The following KCNMB2 variants were observed in gnomAD, a reference collection of about 807,000 sequenced individuals.
KCNMB2 encodes the protein calcium-activated potassium channel subunit beta-2.
In KCNMB2, 9 loss-of-function variants were observed where a neutral mutation model predicts 24.5. The ratio of observed to expected loss-of-function variants is 0.37; its 90% CI spans 0.22 to 0.64. The LOEUF (loss-of-function observed/expected upper bound fraction) is 0.64. Ranked by LOEUF, KCNMB2 falls within the 30% of genes least tolerant of loss-of-function variation. The probability of loss-of-function intolerance (pLI) is 0.63; values close to 1 mark genes in which losing one functional copy is unlikely to be tolerated. For missense variants in KCNMB2, 226 were observed against 284.3 expected (o/e 0.79, Z 1.47); for synonymous variants, 109 against 104.4 (o/e 1.04, Z -0.27).
intron 4 of KCNMB2, among the ~76,000 whole-genome samples, chr3:178,836,138 C>T (rs979390330): frequency 6.6e-6 from 1 of 152,120 alleles, no homozygotes; most frequent in African/African-American, 2.4e-5. Context: ...GCCAAAAACA[C>T]TTTCTTACTG....
intron 4 of KCNMB2, among the ~76,000 whole-genome samples, chr3:178,832,119 C>A (rs1392642242): frequency 2.0e-5 from 3 of 152,026 alleles, no homozygotes; most frequent in Non-Finnish European, 4.4e-5. Context: ...TATCTAGGAT[C>A]ATCTTTACTA....
At chr3:178,551,659 A>C (rs1024407772) in intron 1 of KCNMB2, among the ~76,000 whole-genome samples, 1 of 152,232 alleles carries the variant, frequency 6.6e-6, no homozygotes, top group Non-Finnish European at 1.5e-5. Flanking sequence ...CAGTTTACAC[A>C]ATAATATCAG....
intron 1 of KCNMB2, among the ~76,000 whole-genome samples, chr3:178,714,774 C>T (rs950433261): frequency 3.3e-5 from 5 of 152,048 alleles, no homozygotes; most frequent in Non-Finnish European, 7.3e-5. Flanking sequence ...ATCTAATGTT[C>T]GTCAGCCGTT....
intron 1 of KCNMB2, among the ~76,000 whole-genome samples, chr3:178,769,901 T>G (rs1712275182): frequency 6.6e-6 from 1 of 152,220 alleles, no homozygotes; most frequent in Admixed American, 6.5e-5. Context: ...AAAACAGATC[T>G]ATGTATTACT....
At chr3:178,814,471 G>A (rs371332109) in intron 2 of KCNMB2, among the ~76,000 whole-genome samples, 19 of 152,032 alleles carry the variant, frequency 1.2e-4, no homozygotes, top group African/African-American at 4.6e-4. Flanking sequence ...TTTTCCTTTG[G>A]GTAGATACCC....
intron 1 of KCNMB2, among the ~76,000 whole-genome samples, chr3:178,613,656 G>T (rs1473846338): frequency 6.6e-6 from 1 of 152,100 alleles, no homozygotes; most frequent in Non-Finnish European, 1.5e-5. Flanking sequence ...ACTCTCTCCT[G>T]CACTGTAAAG....
At chr3:178,777,266 T>G (rs1712619378) in intron 1 of KCNMB2, among the ~76,000 whole-genome samples, 1 of 152,018 alleles carries the variant, frequency 6.6e-6, no homozygotes, top group Non-Finnish European at 1.5e-5. Context: ...AAATCCCATC[T>G]CTACTAAAAA....
intron 1 of KCNMB2, among the ~76,000 whole-genome samples, chr3:178,560,663 T>C (rs1164407767): frequency 6.6e-6 from 1 of 152,246 alleles, no homozygotes; most frequent in Non-Finnish European, 1.5e-5. Flanking sequence ...TGTTCTTTGA[T>C]AGAGAGTTCA....
intron 1 of KCNMB2, among the ~76,000 whole-genome samples, chr3:178,549,124 T>C (rs771348966): frequency 1.2e-4 from 18 of 152,294 alleles, no homozygotes; most frequent in Non-Finnish European, 1.9e-4. Context: ...TAATGTTGTA[T>C]ACTATGCTTT....
chr3:178,756,444 T>G (rs1313955676), intron 1 of KCNMB2, among the ~76,000 whole-genome samples: 1 of 152,170 alleles, frequency 6.6e-6, no homozygotes, highest in Non-Finnish European at 1.5e-5. Flanking sequence ...TTGTTTTATG[T>G]GTGTTTTATG....
At chr3:178,831,455 G>A (rs907081576) in intron 4 of KCNMB2, among the ~76,000 whole-genome samples, 1 of 152,070 alleles carries the variant, frequency 6.6e-6, no homozygotes, top group African/African-American at 2.4e-5. Context: ...GTATGTTCAT[G>A]GCAGCAGTTC....
Position 178,756,207 on chromosome 3 carries a change from CAT to C in KCNMB2, c.-67-51135_-67-51134del, listed in dbSNP as rs370897181. On this transcript the variant is annotated intron_variant, in intron 1 of 4. Coordinates refer to ENST00000452583, the MANE Select transcript of KCNMB2 (RefSeq NM_181361.3). ...TTAAAGGGTATATATAGATTTTCCA[CAT>C]GTGTGTGTATATATATGTGGGTGTG... 3.1e-3 allele frequency among the ~76,000 whole-genome samples: 472 copies of C among 151,680 alleles called. 1 individual carries two copies. Among genetic ancestry groups the C allele is most frequent in the Non-Finnish European group, 4.9e-3 (330 of 67,808 alleles).
intron 1 of KCNMB2, among the ~76,000 whole-genome samples, chr3:178,757,943 G>A (rs1219290834): frequency 2.8e-5 from 3 of 105,508 alleles, no homozygotes; most frequent in Non-Finnish European, 5.8e-5. Flanking sequence ...ATACACAAGG[G>A]GATATATAGA....
chr3:178,730,586 C>T (rs773482094), intron 1 of KCNMB2, among the ~76,000 whole-genome samples: 1 of 152,158 alleles, frequency 6.6e-6, no homozygotes, highest in Middle Eastern at 3.2e-3. Flanking sequence ...CTACTTAAGA[C>T]CTTCCAATTT....
chr3:178,756,213 T>C (rs1164810879), intron 1 of KCNMB2, among the ~76,000 whole-genome samples: 1 of 151,888 alleles, frequency 6.6e-6, no homozygotes, highest in Non-Finnish European at 1.5e-5. Context: ...TCCACATGTG[T>C]GTGTATATAT....
chr3:178,678,308 C>T (rs1721141970), intron 1 of KCNMB2, among the ~76,000 whole-genome samples: 1 of 152,224 alleles, frequency 6.6e-6, no homozygotes, highest in East Asian at 1.9e-4. Flanking sequence ...ATGAATTAAC[C>T]CTTGCCTGAC....
At chr3:178,738,508 T>C (rs1723389330) in intron 1 of KCNMB2, among the ~76,000 whole-genome samples, 1 of 152,180 alleles carries the variant, frequency 6.6e-6, no homozygotes, top group Admixed American at 6.5e-5. Flanking sequence ...GTACAACTCT[T>C]CCTCATTATT....
chr3:178,668,139 A>G (rs1230412022), intron 1 of KCNMB2, among the ~76,000 whole-genome samples: 1 of 152,122 alleles, frequency 6.6e-6, no homozygotes, highest in Non-Finnish European at 1.5e-5. Flanking sequence ...CGGAACATGT[A>G]TTTGCTGAGC....
At chr3:178,539,310 G>C (rs1191767548) in intron 1 of KCNMB2, among the ~76,000 whole-genome samples, 1 of 152,054 alleles carries the variant, frequency 6.6e-6, no homozygotes, top group Non-Finnish European at 1.5e-5. Flanking sequence ...TTTTGTTAAT[G>C]CATATGTGTG....
Sources: gnomAD v4.1 joint callset for allele counts (sites outside exome capture counted in the v4.1 genomes callset) on GRCh38, gnomAD v4.1.1 for gene constraint, MANE v1.5 for transcripts, NCBI Gene and HGNC (gene_info 2026-07-23, HGNC 2026-07-21) for gene names.